ATP1A1: variants seen among roughly 807,000 people sequenced by gnomAD.
ATP1A1 encodes the protein sodium/potassium-transporting ATPase subunit alpha-1.
Under a neutral mutation model 114.8 loss-of-function variants are expected in ATP1A1, and 14 were observed. The ratio of observed to expected loss-of-function variants is 0.12; its 90% CI spans 0.08 to 0.19. The LOEUF (loss-of-function observed/expected upper bound fraction) is 0.19. ATP1A1 is among the 10% of genes least tolerant of loss of function. The pLI is 1.00. For synonymous variants in ATP1A1, 471 were observed against 466.3 expected, an observed-to-expected ratio of 1.01 and a Z score of -0.13; for missense variants, 524 against 1,290.7, an observed-to-expected ratio of 0.41 and a Z score of 9.10.
intron 1 of ATP1A1, among the ~76,000 whole-genome samples, chr1:116,378,744 T>A (rs988360244): frequency 2.4e-4 from 36 of 152,354 alleles, no homozygotes; most frequent in African/African-American, 7.9e-4. Flanking sequence ...AGCCTAGGCT[T>A]CAGGGTACTA....
Position 116,397,877 on chromosome 1 carries a change from C to A in ATP1A1, c.1974-11C>A. 1 of 1,497,006 alleles carries A rather than the reference C, an allele frequency of 6.7e-7. No individual in the cohort carries two copies. Among genetic ancestry groups the A allele is most frequent in the Non-Finnish European group, 8.8e-7 (1 of 1,130,496 alleles). The allele number at this position is 1,497,006 out of a possible 1,614,324, so 92.7% of individuals were successfully genotyped here. A position where few individuals can be genotyped will look rare whatever the true frequency, so the allele number is the denominator to read the frequency against. ...TGCGTGACTTTTTTTTTTTTTTTGT[C>A]CTAATTCTAGGGATGCCAAGGCCTG... On this transcript the variant is annotated splice_polypyrimidine_tract_variant and intron_variant, in intron 14 of 22. Transcript: ENST00000295598. This position sits in a 1 kb window ranked among gnomAD's most constrained non-coding sequence, Gnocchi z 4.2.
Position 116,401,694 on chromosome 1 carries a change from A to G in ATP1A1, c.2951+39A>G. 1 of 1,578,144 alleles carries G rather than the reference A, an allele frequency of 6.3e-7. No individual in the cohort carries two copies. The highest frequency in any genetic ancestry group is 1.1e-5 in the South Asian group (1 of 89,286). On this transcript the variant is annotated intron_variant, in intron 21 of 22. Coordinates refer to ENST00000295598, the MANE Select transcript of ATP1A1 (RefSeq NM_000701.8). The surrounding 1 kb of genome is among the most constrained non-coding windows in gnomAD (Gnocchi z 4.7). ...CTGGTAGCTCCAAAAAGTATGAAATAGTATGTGTGGCTTTTCCCCCCATTA... is the reference window on the plus strand; with the variant it reads ...CTGGTAGCTCCAAAAAGTATGAAATGGTATGTGTGGCTTTTCCCCCCATTA...
Position 116,401,350 on chromosome 1 carries a change from A to G in ATP1A1, c.2849+90A>G. 1 of 1,584,212 alleles carries G rather than the reference A, an allele frequency of 6.3e-7. No individual in the cohort carries two copies. Among genetic ancestry groups the G allele is most frequent in the Non-Finnish European group, 8.6e-7 (1 of 1,160,790 alleles). ...TTGCCAAAAACTAAACATATGACAC[A>G]TATAGCCAGGTTTCTGGAATCTCTA... On this transcript the variant is annotated intron_variant, in intron 20 of 22. Transcript: ENST00000295598. This position sits in a 1 kb window ranked among gnomAD's most constrained non-coding sequence, Gnocchi z 4.7.
chr1:116,404,014 G>T lies in ATP1A1; in HGVS notation c.3043+39G>T. 6.3e-7 allele frequency: 1 copy of T among 1,580,954 alleles called. No individual in the cohort carries two copies. Among genetic ancestry groups the T allele is most frequent in the South Asian group, 1.1e-5 (1 of 90,012 alleles). The stretch of plus-strand genomic sequence containing the variant: ...TTCTGACTTTGGTTGGAGGAGGAGT[G>T]GGAGGGGCTATAGTTCTATTGGTTT... On this transcript the variant is annotated intron_variant, in intron 22 of 22. Coordinates refer to ENST00000295598, the MANE Select transcript of ATP1A1 (RefSeq NM_000701.8). This position sits in a 1 kb window ranked among gnomAD's most constrained non-coding sequence, Gnocchi z 4.8.
Position 116,384,701 on chromosome 1 carries a change from T to C in ATP1A1, c.124-82T>C. The C allele has an allele frequency of 1.7e-6, 2 of 1,182,758 alleles. No homozygotes were observed. Among genetic ancestry groups the C allele is most frequent in the Non-Finnish European group, 1.2e-6 (1 of 820,286 alleles). 73.3% of individuals were successfully genotyped at this position (1,182,758 alleles called of 1,614,324 possible). On this transcript the variant is annotated intron_variant, in intron 2 of 22. Coordinates refer to ENST00000295598, the MANE Select transcript of ATP1A1 (RefSeq NM_000701.8). The surrounding 1 kb of genome is among the most constrained non-coding windows in gnomAD (Gnocchi z 5.1). ...GCACTTTGTTTAATAAGCTTAATGA[T>C]AGTAATGAATAATGCTATTTTTTCT...
chr1:116,400,832 C>CTAG, intron 18 of ATP1A1, 29 bp from the exon 19 acceptor site: 1 of 1,612,992 alleles, frequency 6.2e-7, no homozygotes, highest in Middle Eastern at 1.7e-4. Context: ...GTGTGAGGTT[C>CTAG]TAGTAATTGG....
chr1:116,389,475 G>A lies in ATP1A1; in HGVS notation c.791G>A (p.Arg264His), dbSNP rs765069962. 1.4e-5 allele frequency: 23 copies of A among 1,614,034 alleles called. No individual in the cohort carries two copies. The Admixed American group carries it at 1.8e-4, about 13-fold the overall frequency. Residue 264 changes from arginine to histidine, a missense_variant, in exon 8 of 23, where the codon CGC (arginine) becomes CAC (histidine). Transcript: ENST00000295598. The surrounding 1 kb of genome is among the most constrained non-coding windows in gnomAD (Gnocchi z 6.9). ...ARGIVVYTGD[R>H]TVMGRIATLA... ...GGTATTGTTGTCTACACTGGGGATCGCACTGTGATGGGAAGAATTGCCACA... is the reference window on the plus strand; with the variant it reads ...GGTATTGTTGTCTACACTGGGGATCACACTGTGATGGGAAGAATTGCCACA...
intron 18 of ATP1A1, 39 bp from the exon 19 acceptor site, chr1:116,400,822 G>A: frequency 6.2e-7 from 1 of 1,603,362 alleles, no homozygotes; most frequent in African/African-American, 1.5e-5. Context: ...GTACCCTTGT[G>A]TGTGAGGTTC....
chr1:116,383,380 A>C, intron 1 of ATP1A1: 1 of 1,023,706 alleles, frequency 9.8e-7, no homozygotes, highest in Non-Finnish European at 1.2e-6. Context: ...GATATGTAAT[A>C]ATGTCTTTGC....
intron 8 of ATP1A1, 32 bp from the exon 9 acceptor site, chr1:116,390,181 A>G (rs1652349244): frequency 7.5e-6 from 12 of 1,600,014 alleles, no homozygotes; most frequent in East Asian, 2.2e-5. Flanking sequence ...AGCCTGGTTG[A>G]GTGAAGTAAT....
In ATP1A1 at chr1:116,401,051, C is replaced by T. The variant is rs1653435503; in HGVS notation, c.2718+45C>T. 6.2e-7 allele frequency: 1 copy of T among 1,612,730 alleles called. No homozygotes were observed. Among genetic ancestry groups the T allele is most frequent in the Middle Eastern group, 1.7e-4 (1 of 6,056 alleles). ...CTGACCAGTGTCAGAGCTCCTCAAG[C>T]CCCAGAAGACTGAGGCCACACTGCC... On this transcript the variant is annotated intron_variant, in intron 19 of 22. Transcript: ENST00000295598. This position sits in a 1 kb window ranked among gnomAD's most constrained non-coding sequence, Gnocchi z 4.7.
rs1651729514 is a variant in ATP1A1, at chr1:116,381,344, G to A, written c.13-2670G>A. The stretch of plus-strand genomic sequence containing the variant: ...CTGAATTTTGCAGCTTTGAGACTGA[G>A]GTAATTGAGACTGATAGGGATTTAA... On this transcript the variant is annotated intron_variant, in intron 1 of 22. Coordinates refer to ENST00000295598, the MANE Select transcript of ATP1A1 (RefSeq NM_000701.8). The surrounding 1 kb of genome is among the most constrained non-coding windows in gnomAD (Gnocchi z 5.1). Among the ~76,000 whole-genome samples the A allele has an allele frequency of 1.3e-5, 2 of 152,182 alleles. No homozygotes were observed. The highest frequency in any genetic ancestry group is 2.1e-4 in the South Asian group (1 of 4,826).
At position 116,375,798 on chromosome 1, in the gene ATP1A1, A is replaced by T. The variant is rs998945301; in HGVS notation, c.12+2275A>T. Among the ~76,000 whole-genome samples, 37 of 152,236 alleles carry T rather than the reference A, an allele frequency of 2.4e-4. 1 individual carries two copies. The highest frequency in any genetic ancestry group is 8.8e-5 in the Non-Finnish European group (6 of 68,048). On this transcript the variant is annotated intron_variant, in intron 1 of 22. Coordinates refer to ENST00000295598, the MANE Select transcript of ATP1A1 (RefSeq NM_000701.8). Reference sequence around the variant, plus strand: ...CTAAAGCCCTGCTGATAATTGGCTAACAAGGAAGCCTGTGCCGGCAGCTAA... The same window carrying T: ...CTAAAGCCCTGCTGATAATTGGCTATCAAGGAAGCCTGTGCCGGCAGCTAA...
chr1:116,404,524 T>C lies in ATP1A1; in HGVS notation c.*80T>C. Reference sequence around the variant, plus strand: ...CACCCCCTCTTTGTGTACTTCAGTCTTGGAGTTTGGAACTCTACCCTGGTA... The same window carrying C: ...CACCCCCTCTTTGTGTACTTCAGTCCTGGAGTTTGGAACTCTACCCTGGTA... On this transcript the variant is annotated 3_prime_UTR_variant, in exon 23 of 23. Transcript: ENST00000295598. The surrounding 1 kb of genome is among the most constrained non-coding windows in gnomAD (Gnocchi z 4.8). 1.3e-6 allele frequency: 2 copies of C among 1,530,534 alleles called. No homozygotes were observed. Among genetic ancestry groups the C allele is most frequent in the Non-Finnish European group, 1.7e-6 (2 of 1,145,368 alleles). The allele number at this position is 1,530,534 out of a possible 1,614,324, so 94.8% of individuals were successfully genotyped here.
Position 116,373,586 on chromosome 1 carries a change from C to T in ATP1A1, c.12+63C>T, listed in dbSNP as rs903849546. The stretch of plus-strand genomic sequence containing the variant: ...GCCCTCGAGGGGAAGAGGAGGAAGT[C>T]GGGAGGGCGACCGCGGCCAGCGGGA... On this transcript the variant is annotated intron_variant, in intron 1 of 22. Transcript: ENST00000295598. The T allele has an allele frequency of 6.7e-6, 9 of 1,351,236 alleles. No homozygotes were observed. The South Asian group carries it at 1.4e-4, about 21-fold the overall frequency. The allele number at this position is 1,351,236 out of a possible 1,614,324, so 83.7% of individuals were successfully genotyped here.
At position 116,399,889 on chromosome 1, in the gene ATP1A1, T is replaced by A. The variant is rs1653291075; in HGVS notation, c.2572+346T>A. Among the ~76,000 whole-genome samples the A allele has an allele frequency of 6.6e-6, 1 of 152,246 alleles. No individual in the cohort carries two copies. Among genetic ancestry groups the A allele is most frequent in the Non-Finnish European group, 1.5e-5 (1 of 68,042 alleles). The stretch of plus-strand genomic sequence containing the variant: ...TTGTGTGTACTGACGCACAGGCTGC[T>A]TTCCCTGGAGATACACACTTATCTG... On this transcript the variant is annotated intron_variant, in intron 18 of 22. Transcript: ENST00000295598. The surrounding 1 kb of genome is among the most constrained non-coding windows in gnomAD (Gnocchi z 5.0).
chr1:116,397,969 C>T lies in ATP1A1; in HGVS notation c.2055C>T (p.His685=), dbSNP rs747862363. Residue 685 remains histidine, a synonymous_variant, in exon 15 of 23, where the codon CAC becomes CAT. Coordinates refer to ENST00000295598, the MANE Select transcript of ATP1A1 (RefSeq NM_000701.8). This position sits in a 1 kb window ranked among gnomAD's most constrained non-coding sequence, Gnocchi z 4.2. ...SEQLDDILKY[H]TEIVFARTSP... ...AGCTGGATGACATTTTGAAGTACCA[C>T]ACTGAGATAGTGTTTGCCAGGACCT... 12 of 1,613,658 alleles carry T rather than the reference C, an allele frequency of 7.4e-6. No homozygotes were observed. Among genetic ancestry groups the T allele is most frequent in the African/African-American group, 1.3e-5 (1 of 74,756 alleles).
chr1:116,392,065 A>G (rs1477820486), intron 10 of ATP1A1, among the ~76,000 whole-genome samples: 1 of 152,210 alleles, frequency 6.6e-6, no homozygotes, highest in African/African-American at 2.4e-5. Flanking sequence ...GAGCTGCTAT[A>G]CTTCTGAGCA....
At position 116,398,724 on chromosome 1, in the gene ATP1A1, A is replaced by G. The variant is rs758143918; in HGVS notation, c.2228A>G (p.Lys743Arg). ...AMGIAGSDVS[K>R]QAADMILLDD... ...GGGATTGCTGGCTCAGATGTGTCCA[A>G]GCAAGCTGCTGACATGATTCTTCTG... The change falls in exon 16 of 23, where the codon AAG becomes AGG. Residue 743 changes from lysine (K) to arginine (R), a missense_variant. By Grantham distance (26) the Lys-to-Arg change is conservative. This residue lies in a region of ATP1A1 where 36 missense variants were observed against 199.6 expected (regional missense o/e 0.18). Coordinates refer to ENST00000295598, the MANE Select transcript of ATP1A1 (RefSeq NM_000701.8). The surrounding 1 kb of genome is among the most constrained non-coding windows in gnomAD (Gnocchi z 6.1). 6.2e-7 allele frequency: 1 copy of G among 1,614,188 alleles called. No homozygotes were observed. Among genetic ancestry groups the G allele is most frequent in the Admixed American group, 1.7e-5 (1 of 60,026 alleles).
Sources: gnomAD v4.1 joint callset for allele counts (sites outside exome capture counted in the v4.1 genomes callset) on GRCh38, gnomAD v4.1.1 for gene constraint, gnomAD v4.1.1 regional missense constraint, Gnocchi (gnomAD v3.1) non-coding constraint, MANE v1.5 for transcripts, NCBI Gene and HGNC (gene_info 2026-07-23, HGNC 2026-07-21) for gene names.